Variants in RSPRY1 observed in about 807,000 individuals in gnomAD.
The protein encoded by RSPRY1 is ring finger and SPRY domain containing 1, also known as RING finger and SPRY domain-containing protein 1.
A neutral mutation model predicts 73.1 loss-of-function variants in RSPRY1; 23 were observed. That is an observed-to-expected ratio of 0.31 (90% confidence interval 0.23 to 0.45). The LOEUF is 0.45. Among genes scored for constraint, RSPRY1 ranks in the 20% least tolerant of loss-of-function variants. The probability of loss-of-function intolerance (pLI) is 1.00; values close to 1 mark genes in which losing one functional copy is unlikely to be tolerated. For synonymous variants in RSPRY1, 226 were observed against 251.4 expected (o/e 0.90, Z 0.95); for missense variants, 448 against 698.7 (o/e 0.64, Z 4.05).
chr16:57,200,040 G>A, intron 1 of RSPRY1, among the ~76,000 whole-genome samples: 3 of 145,638 alleles, frequency 2.1e-5, no homozygotes, highest in African/African-American at 5.1e-5. Context: ...TTCCTAGGCA[G>A]AGGACCCTGC....
intron 1 of RSPRY1, among the ~76,000 whole-genome samples, chr16:57,201,550 C>T (rs559183232): frequency 4.1e-4 from 62 of 152,146 alleles, no homozygotes; most frequent in Non-Finnish European, 7.8e-4. Context: ...ACTTCCCAGA[C>T]GGGGTGGCGG....
rs2075353379 is a variant in RSPRY1 at position 57,239,826 on chromosome 16, T to G, written c.*851T>G. The G allele has an allele frequency of 6.6e-6, 1 of 152,156 alleles. No individual in the cohort carries two copies. The highest frequency in any genetic ancestry group is 6.5e-5 in the Admixed American group (1 of 15,282). 9.4% of individuals were successfully genotyped at this position (152,156 alleles called of 1,614,324 possible). On this transcript the variant is annotated 3_prime_UTR_variant, in exon 15 of 15. Transcript: ENST00000394420. ...TTTCTGTTTTTTTGTTAAAAAAAAT[T>G]TTTTTAATCAGTATTGTTTTTACAA...
chr16:57,215,586 T>C (rs2074924848), intron 6 of RSPRY1, among the ~76,000 whole-genome samples: 1 of 152,232 alleles, frequency 6.6e-6, no homozygotes, highest in South Asian at 2.1e-4. Context: ...ACTTGTTGCT[T>C]TCTCCTGTCT....
chr16:57,200,886 T>C (rs374162161), intron 1 of RSPRY1, among the ~76,000 whole-genome samples: 11,551 of 104,002 alleles, frequency 0.11, 901 homozygotes, highest in East Asian at 0.25. Flanking sequence ...AGGGGCTCCT[T>C]ACTTCCCAGT....
intron 2 of RSPRY1, chr16:57,207,668 T>G: frequency 2.2e-6 from 1 of 459,782 alleles, no homozygotes; most frequent in Non-Finnish European, 4.4e-6. Flanking sequence ...TCGTCTCTCT[T>G]CCTGGCATTT....
chr16:57,201,138 G>T (rs550044431), intron 1 of RSPRY1, among the ~76,000 whole-genome samples: 2 of 151,210 alleles, frequency 1.3e-5, no homozygotes, highest in African/African-American at 4.9e-5. Context: ...GCTGCCGGGC[G>T]GAGGGGCTCC....
intron 13 of RSPRY1, among the ~76,000 whole-genome samples, chr16:57,234,825 C>T (rs1419881642): frequency 6.6e-6 from 1 of 152,174 alleles, no homozygotes; most frequent in African/African-American, 2.4e-5. Flanking sequence ...TTGCTGGTAA[C>T]ATAAAAAGAG....
At chr16:57,209,412 G>A (rs1198205017) in intron 4 of RSPRY1, among the ~76,000 whole-genome samples, 1 of 152,050 alleles carries the variant, frequency 6.6e-6, no homozygotes. Flanking sequence ...TGCCCAGGCT[G>A]GAGTGCAATG....
rs1357960250 is a variant in RSPRY1 at position 57,217,022 on chromosome 16, C to T, written c.888C>T (p.Ser296=). ...AAGTTGGTTTCTGTGCCCAGTGGAG[C>T]TTAGACAATCTCTGTAAGTGGGAGT... is the stretch of plus-strand genomic sequence containing the variant. The part of the protein sequence containing the change: ...KRQVGFCAQW[S]LDNLFLKEGR... The change falls in exon 8 of 15, where the codon AGC becomes AGT. Residue 296 remains serine (S), a synonymous_variant. Coordinates refer to ENST00000394420, the MANE Select transcript of RSPRY1 (RefSeq NM_133368.3). 6.2e-7 allele frequency: 1 copy of T among 1,614,034 alleles called. No individual in the cohort carries two copies. The highest frequency in any genetic ancestry group is 1.3e-5 in the African/African-American group (1 of 74,904).
At chr16:57,222,137 A>AT (rs59693430) in intron 10 of RSPRY1, among the ~76,000 whole-genome samples, 5,151 of 152,276 alleles carry the variant, frequency 0.034, 294 homozygotes, top group East Asian at 0.23. Context: ...AGCCCCTTGG[A>AT]TTATTTTGTT....
rs532269384 is a variant in RSPRY1 at position 57,237,689 on chromosome 16, TTTTA to T, written c.1635-1174_1635-1171del. Among the ~76,000 whole-genome samples the T allele has an allele frequency of 3.3e-4, 50 of 151,364 alleles. No individual in the cohort carries two copies. In the South Asian group the frequency reaches 6.0e-3, roughly 18 times the overall value. The stretch of plus-strand genomic sequence containing the variant: ...TGCTAGTATCTCTTTATTTTTTTAT[TTTTA>T]TTTATTTATTTATTTTTATTTATTT... On this transcript the variant is annotated intron_variant, in intron 14 of 14. Coordinates refer to ENST00000394420, the MANE Select transcript of RSPRY1 (RefSeq NM_133368.3).
chr16:57,218,720 C>CTTTTTTTTT lies in RSPRY1; in HGVS notation c.901+1710_901+1718dup, dbSNP rs869295634. Among the ~76,000 whole-genome samples, 10 of 41,120 alleles carry CTTTTTTTTT rather than the reference C, an allele frequency of 2.4e-4. 2 individuals are homozygous for CTTTTTTTTT. The highest frequency in any genetic ancestry group is 9.3e-4 in the Admixed American group (2 of 2,160). 27.0% of individuals were successfully genotyped at this position (41,120 alleles called of 152,430 possible). Reference sequence around the variant, plus strand: ...CCATTTTGTATATGTGCCACATTTTCTTTTTTTTTTTTTTTTTTTTTTTTT... The same window carrying CTTTTTTTTT: ...CCATTTTGTATATGTGCCACATTTTCTTTTTTTTTTTTTTTTTTTTTTTTTTTTTTTTTT... On this transcript the variant is annotated intron_variant, in intron 8 of 14. Coordinates refer to ENST00000394420, the MANE Select transcript of RSPRY1 (RefSeq NM_133368.3).
intron 2 of RSPRY1, 45 bp from the exon 3 acceptor site, chr16:57,208,013 A>C: frequency 1.7e-6 from 2 of 1,207,480 alleles, no homozygotes; most frequent in Non-Finnish European, 2.4e-6. Context: ...TGGAATTGTC[A>C]TTTATTATTT....
intron 1 of RSPRY1, chr16:57,186,817 C>T (rs2074206010): frequency 6.6e-6 from 1 of 152,178 alleles, no homozygotes; most frequent in African/African-American, 2.4e-5. Flanking sequence ...CCTGGGGTGG[C>T]TCCTGGTACC....
rs572110801 is a variant in RSPRY1 at position 57,200,113 on chromosome 16, G to A, written c.-155-4391G>A. On this transcript the variant is annotated intron_variant, in intron 1 of 14. Transcript: ENST00000394420. ...TTAGGGAGTGGTGATGACTCTTAAC[G>A]AGCATGCTGCCTTCAAGCATCTGTT... 8.8e-5 allele frequency among the ~76,000 whole-genome samples: 13 copies of A among 147,352 alleles called. No homozygotes were observed. In the South Asian group the frequency reaches 2.4e-3, roughly 28 times the overall value.
At chr16:57,200,694 G>A (rs2074561938) in intron 1 of RSPRY1, among the ~76,000 whole-genome samples, 1 of 124,894 alleles carries the variant, frequency 8.0e-6, no homozygotes, top group Non-Finnish European at 1.7e-5. Context: ...GGACGGGGCG[G>A]CTGGCCGGGC....
At chr16:57,207,514 T>C in intron 2 of RSPRY1, 2 of 448,448 alleles carry the variant, frequency 4.5e-6, no homozygotes, top group Non-Finnish European at 9.0e-6. Context: ...ATGTCTAGAA[T>C]GTTAAGTAGT....
At chr16:57,203,706 T>A (rs1431227922) in intron 1 of RSPRY1, among the ~76,000 whole-genome samples, 1 of 152,216 alleles carries the variant, frequency 6.6e-6, no homozygotes, top group African/African-American at 2.4e-5. Flanking sequence ...TCCTTACTCA[T>A]CTTTATTCTC....
intron 1 of RSPRY1, among the ~76,000 whole-genome samples, chr16:57,194,445 T>C: frequency 6.6e-6 from 1 of 152,212 alleles, no homozygotes; most frequent in East Asian, 1.9e-4. Flanking sequence ...AATGTGATGA[T>C]AGAAGCTATC....
Sources: gnomAD v4.1 joint callset for allele counts (sites outside exome capture counted in the v4.1 genomes callset) on GRCh38, gnomAD v4.1.1 for gene constraint, MANE v1.5 for transcripts, NCBI Gene and HGNC (gene_info 2026-07-23, HGNC 2026-07-21) for gene names.